Variants in NRXN3 observed in about 807,000 individuals in gnomAD.
The protein encoded by NRXN3 is neurexin III.
A neutral mutation model predicts 137.6 loss-of-function variants in NRXN3; 32 were observed. The observed-to-expected ratio is 0.23, with a 90% CI of 0.18 to 0.31. NRXN3 has a LOEUF of 0.31. Ranked by LOEUF, NRXN3 falls within the 10% of genes least tolerant of loss-of-function variation. NRXN3 has a pLI of 1.00. For synonymous variants in NRXN3, 798 were observed against 784.5 expected, an observed-to-expected ratio of 1.02 and a Z score of -0.29; for missense variants, 1,574 against 2,062.5, an observed-to-expected ratio of 0.76 and a Z score of 4.59.
At chr14:78,825,312 G>T (rs981988291) in intron 10 of NRXN3, among the ~76,000 whole-genome samples, 1 of 151,692 alleles carries the variant, frequency 6.6e-6, no homozygotes, top group Non-Finnish European at 1.5e-5. Flanking sequence ...TGAAGATGAT[G>T]ACTCAGAGCA....
At chr14:78,215,855 C>T (rs1378168284) in intron 1 of NRXN3, among the ~76,000 whole-genome samples, 1 of 152,082 alleles carries the variant, frequency 6.6e-6, no homozygotes, top group African/African-American at 2.4e-5. Flanking sequence ...ACTTTGACCC[C>T]GTTCCTGCTT....
chr14:78,615,536 G>A (rs945466747), intron 4 of NRXN3, among the ~76,000 whole-genome samples: 34 of 151,930 alleles, frequency 2.2e-4, no homozygotes, highest in Non-Finnish European at 1.2e-4. Flanking sequence ...GCGTGAACCC[G>A]GGAGGTGGAG....
chr14:79,776,887 T>TATTC (rs1372006059), intron 19 of NRXN3, among the ~76,000 whole-genome samples: 3 of 152,204 alleles, frequency 2.0e-5, no homozygotes, highest in Non-Finnish European at 4.4e-5. Flanking sequence ...AAAAATTGAT[T>TATTC]TGGTTGTTCA....
chr14:78,178,748 AGG>A (rs2059504713), intron 1 of NRXN3, among the ~76,000 whole-genome samples: 1 of 152,102 alleles, frequency 6.6e-6, no homozygotes, highest in Non-Finnish European at 1.5e-5. Flanking sequence ...TGGTGATCAG[AGG>A]GGTTAAATCG....
At position 79,242,363 on chromosome 14, in the gene NRXN3, TG is replaced by T. The variant is rs1437953422; in HGVS notation, c.3263-224855del. 2.0e-5 allele frequency among the ~76,000 whole-genome samples: 3 copies of T among 152,274 alleles called. No homozygotes were observed. The East Asian group carries it at 5.8e-4, about 29-fold the overall frequency. ...AGCTAAGGGCAGAAAACAGGAGTCC[TG>T]GGCCACTCAGCATGCATGCTGGCTC... On this transcript the variant is annotated intron_variant, in intron 15 of 20. Coordinates refer to ENST00000335750, the MANE Select transcript of NRXN3 (RefSeq NM_001330195.2).
At chr14:79,344,105 C>T (rs1038118562) in intron 15 of NRXN3, among the ~76,000 whole-genome samples, 1 of 152,154 alleles carries the variant, frequency 6.6e-6, no homozygotes, top group Non-Finnish European at 1.5e-5. Flanking sequence ...TTTGACACTT[C>T]TCTCTCAGGA....
At position 79,646,474 on chromosome 14, in the gene NRXN3, G is replaced by C. The variant is rs779328532; in HGVS notation, c.3445-17304G>C. On this transcript the variant is annotated intron_variant, in intron 16 of 20. Transcript: ENST00000335750. The stretch of plus-strand genomic sequence containing the variant: ...CAATGTCCAAAAAGCTAAACCATCA[G>C]CTGCATGATGCTAAGGCTTTCAGCA... 3.2e-4 allele frequency among the ~76,000 whole-genome samples: 44 copies of C among 135,728 alleles called. 13 individuals are homozygous for C. The highest frequency in any genetic ancestry group is 6.5e-4 in the Non-Finnish European group (38 of 58,380). The allele number at this position is 135,728 out of a possible 152,430, so 89.0% of individuals were successfully genotyped here.
intron 4 of NRXN3, among the ~76,000 whole-genome samples, chr14:78,549,992 A>G (rs185829154): frequency 1.9e-3 from 287 of 151,452 alleles, no homozygotes; most frequent in African/African-American, 6.6e-3. Flanking sequence ...CTTACTAAAG[A>G]CTTTTCCTAG....
intron 19 of NRXN3, among the ~76,000 whole-genome samples, chr14:79,719,251 A>ATGTGTGTGTG (rs4016617): frequency 2.7e-5 from 4 of 148,938 alleles, no homozygotes; most frequent in African/African-American, 1.0e-4. Context: ...ATAGACATAT[A>ATGTGTGTGTG]TGTGTGTGTG....
intron 4 of NRXN3, among the ~76,000 whole-genome samples, chr14:78,457,732 G>C (rs2094789812): frequency 6.6e-6 from 1 of 152,090 alleles, no homozygotes; most frequent in South Asian, 2.1e-4. Flanking sequence ...TGTGTGTATA[G>C]ATATATCTGT....
chr14:79,387,161 A>AGGC (rs973093866), intron 15 of NRXN3, among the ~76,000 whole-genome samples: 1 of 152,272 alleles, frequency 6.6e-6, no homozygotes, highest in Non-Finnish European at 1.5e-5. Context: ...CAGAGTGAAC[A>AGGC]GGCAACCTAT....
chr14:78,203,304 T>C (rs141989053), intron 1 of NRXN3, among the ~76,000 whole-genome samples: 1 of 152,338 alleles, frequency 6.6e-6, no homozygotes, highest in Non-Finnish European at 1.5e-5. Context: ...GCAATATTAC[T>C]AATAATTACT....
At chr14:79,093,018 ACATT>A (rs1447414661) in intron 15 of NRXN3, among the ~76,000 whole-genome samples, 2 of 152,196 alleles carry the variant, frequency 1.3e-5, no homozygotes, top group Non-Finnish European at 2.9e-5. Flanking sequence ...ACTCATTCAC[ACATT>A]CATTTATTCA....
Position 78,926,779 on chromosome 14 carries a change from AT to A in NRXN3, c.2276-30462del, listed in dbSNP as rs1430085467. Among the ~76,000 whole-genome samples the A allele has an allele frequency of 1.0e-3, 41 of 39,198 alleles. 10 individuals carry two copies. The highest frequency in any genetic ancestry group is 7.4e-3 in the African/African-American group (37 of 4,984). The allele number at this position is 39,198 out of a possible 152,430, so 25.7% of individuals were successfully genotyped here. On this transcript the variant is annotated intron_variant, in intron 10 of 20. Coordinates refer to ENST00000335750, the MANE Select transcript of NRXN3 (RefSeq NM_001330195.2). The stretch of plus-strand genomic sequence containing the variant: ...TATATATATTATATATATTATATAT[AT>A]AAAATATATTATATATTATATATTT...
chr14:79,458,036 A>G (rs910557260), intron 15 of NRXN3, among the ~76,000 whole-genome samples: 3 of 152,150 alleles, frequency 2.0e-5, no homozygotes, highest in African/African-American at 4.8e-5. Flanking sequence ...AAATGTATAT[A>G]TGGTCTTTGC....
At chr14:78,935,447 C>T (rs2099334143) in intron 10 of NRXN3, among the ~76,000 whole-genome samples, 1 of 152,136 alleles carries the variant, frequency 6.6e-6, no homozygotes, top group South Asian at 2.1e-4. Flanking sequence ...ATGCTCAAAT[C>T]CCTGACAAAA....
intron 15 of NRXN3, among the ~76,000 whole-genome samples, chr14:79,138,309 A>G (rs1349389315): frequency 6.6e-6 from 1 of 152,108 alleles, no homozygotes; most frequent in African/African-American, 2.4e-5. Flanking sequence ...ATGTGCCACC[A>G]TGCCTGGCTA....
At chr14:78,563,081 G>A (rs978480157) in intron 4 of NRXN3, among the ~76,000 whole-genome samples, 1 of 152,196 alleles carries the variant, frequency 6.6e-6, no homozygotes, top group Non-Finnish European at 1.5e-5. Flanking sequence ...ACCTATGCAT[G>A]ATCTCTCCAT....
chr14:78,415,493 G>T (rs2093082818), intron 4 of NRXN3, among the ~76,000 whole-genome samples: 1 of 152,142 alleles, frequency 6.6e-6, no homozygotes, highest in East Asian at 1.9e-4. Context: ...TTATGTGGTT[G>T]CATTCAGCTG....
Sources: allele counts gnomAD v4.1 joint callset (sites outside exome capture counted in the v4.1 genomes callset), GRCh38; gene constraint gnomAD v4.1.1; transcripts MANE v1.5; gene names NCBI Gene and HGNC (gene_info 2026-07-23, HGNC 2026-07-21).